ANKS1B: variants seen among roughly 807,000 people sequenced by gnomAD.
ANKS1B encodes the protein ankyrin repeat and sterile alpha motif domain containing 1B.
ANKS1B carries 36 observed loss-of-function variants against 148.3 expected under a neutral mutation model. That is an observed-to-expected ratio of 0.24 (90% CI 0.19 to 0.32). The LOEUF is 0.32. Ranked by LOEUF, ANKS1B falls within the 10% of genes least tolerant of loss-of-function variation. The pLI is 1.00. For synonymous variants in ANKS1B, 542 were observed against 560.8 expected (o/e 0.97, Z 0.47); for missense variants, 1,157 against 1,542.6 (o/e 0.75, Z 4.19).
intron 9 of ANKS1B, among the ~76,000 whole-genome samples, chr12:99,526,062 G>T (rs2096923543): frequency 6.6e-6 from 1 of 152,060 alleles, no homozygotes; most frequent in Non-Finnish European, 1.5e-5. Context: ...ATGAAAAGAT[G>T]CTCAACTTCA....
At chr12:99,633,642 T>C (rs1187696864) in intron 9 of ANKS1B, among the ~76,000 whole-genome samples, 1 of 152,190 alleles carries the variant, frequency 6.6e-6, no homozygotes, top group East Asian at 1.9e-4. Context: ...AAATGGGATC[T>C]AATTAAACTA....
intron 9 of ANKS1B, among the ~76,000 whole-genome samples, chr12:99,624,264 T>C (rs991859861): frequency 6.6e-6 from 1 of 152,008 alleles, no homozygotes; most frequent in African/African-American, 2.4e-5. Flanking sequence ...CAAAATGGAT[T>C]AAAGACTTAA....
intron 12 of ANKS1B, among the ~76,000 whole-genome samples, chr12:99,293,269 CAT>C (rs2154011684): frequency 6.6e-6 from 1 of 151,620 alleles, no homozygotes; most frequent in East Asian, 1.9e-4. Flanking sequence ...CCAAACACCA[CAT>C]GTTCTCACTC....
intron 1 of ANKS1B, among the ~76,000 whole-genome samples, chr12:99,856,683 C>T (rs1281437116): frequency 6.6e-6 from 1 of 152,070 alleles, no homozygotes; most frequent in Non-Finnish European, 1.5e-5. Context: ...AGATAATCCA[C>T]CACAATCAAG....
rs1325135812 is a variant in ANKS1B at position 99,730,196 on chromosome 12, GAGT to G, written c.1128+42723_1128+42725del. Among the ~76,000 whole-genome samples the G allele has an allele frequency of 2.0e-5, 3 of 152,314 alleles. No homozygotes were observed. In the East Asian group the frequency reaches 5.8e-4, roughly 29 times the overall value. ...CCATCAAATTCGGGTTCCTTTGAAG[GAGT>G]AGTTCCTACATTGTTTGAGATTTGC... On this transcript the variant is annotated intron_variant, in intron 8 of 26. Coordinates refer to ENST00000683438, the MANE Select transcript of ANKS1B (RefSeq NM_001352186.2).
chr12:98,898,753 TATA>T (rs1183021252), intron 17 of ANKS1B, among the ~76,000 whole-genome samples: 4 of 152,224 alleles, frequency 2.6e-5, no homozygotes, highest in African/African-American at 9.6e-5. Context: ...ATCTAAATCT[TATA>T]ATATTCTAGC....
intron 9 of ANKS1B, among the ~76,000 whole-genome samples, chr12:99,509,261 A>G (rs1431826414): frequency 6.6e-6 from 1 of 151,852 alleles, no homozygotes; most frequent in Admixed American, 6.6e-5. Context: ...TTCAAATTCA[A>G]GAAGAGTCAC....
chr12:98,921,778 A>G (rs2099801776), intron 17 of ANKS1B, among the ~76,000 whole-genome samples: 2 of 152,222 alleles, frequency 1.3e-5, no homozygotes, highest in Admixed American at 6.5e-5. Context: ...ATCCATCTAT[A>G]AAGATGGTAA....
In ANKS1B at chr12:99,806,559, C is replaced by T; in HGVS notation, c.514G>A (p.Gly172Arg). 1.9e-6 allele frequency: 3 copies of T among 1,613,874 alleles called. No homozygotes were observed. The highest frequency in any genetic ancestry group is 8.5e-7 in the Non-Finnish European group (1 of 1,179,872). Residue 172 changes from glycine (G) to arginine (R), a missense_variant, in exon 4 of 27, where the codon GGA becomes AGA. Around this residue, in one of 6 missense-constraint regions of ANKS1B, gnomAD observed 164 missense variants for 232.6 expected, o/e 0.71. Coordinates refer to ENST00000683438, the MANE Select transcript of ANKS1B (RefSeq NM_001352186.2). ...ETPLDLAALY[G>R]RLRVVKMIIS... ...ATCATTTTTACCACTCTAAGCCGTC[C>T]GTAGAGTGCCGCCAAGTCCAAAGGT...
At chr12:99,705,290 G>T (rs2055554117) in intron 8 of ANKS1B, among the ~76,000 whole-genome samples, 1 of 152,052 alleles carries the variant, frequency 6.6e-6, no homozygotes, top group South Asian at 2.1e-4. Context: ...TTAGGGTATG[G>T]TAAGATAATG....
chr12:99,112,460 C>T (rs1436990695), intron 15 of ANKS1B, among the ~76,000 whole-genome samples: 2 of 151,074 alleles, frequency 1.3e-5, no homozygotes, highest in African/African-American at 4.9e-5. Flanking sequence ...CTCTTTCTCC[C>T]ACTGATCAAC....
intron 12 of ANKS1B, among the ~76,000 whole-genome samples, chr12:99,381,628 T>C (rs1196240210): frequency 2.6e-5 from 4 of 152,172 alleles, no homozygotes; most frequent in Admixed American, 2.0e-4. Flanking sequence ...GAAAAGGCAG[T>C]TGTGGTGACC....
intron 11 of ANKS1B, among the ~76,000 whole-genome samples, chr12:99,428,289 A>G (rs1391886955): frequency 6.6e-6 from 1 of 151,970 alleles, no homozygotes; most frequent in African/African-American, 2.4e-5. Flanking sequence ...AGCATACACA[A>G]AGTAAGGAGC....
At chr12:99,225,760 C>T (rs984744697) in intron 14 of ANKS1B, among the ~76,000 whole-genome samples, 3 of 152,186 alleles carry the variant, frequency 2.0e-5, no homozygotes, top group Admixed American at 1.3e-4. Flanking sequence ...CTTGGGCCTT[C>T]GGCCACAGAC....
intron 8 of ANKS1B, among the ~76,000 whole-genome samples, chr12:99,766,627 T>C (rs2062671872): frequency 6.6e-6 from 1 of 152,156 alleles, no homozygotes; most frequent in African/African-American, 2.4e-5. Flanking sequence ...CCAACCTTAG[T>C]TGAATCACCT....
chr12:98,776,117 G>T (rs1263434207), intron 24 of ANKS1B, among the ~76,000 whole-genome samples: 1 of 152,212 alleles, frequency 6.6e-6, no homozygotes, highest in Non-Finnish European at 1.5e-5. Context: ...ACTCTGCATT[G>T]TCTACCTGTG....
intron 17 of ANKS1B, among the ~76,000 whole-genome samples, chr12:98,850,459 A>ATT (rs59294440): frequency 0.1 from 7,295 of 70,284 alleles, 2,117 homozygotes; most frequent in African/African-American, 0.3. Context: ...GAAGCATTGC[A>ATT]TTTTTTTTTT....
chr12:99,061,994 G>A (rs1320078331), intron 16 of ANKS1B, among the ~76,000 whole-genome samples: 3 of 152,164 alleles, frequency 2.0e-5, no homozygotes, highest in Non-Finnish European at 4.4e-5. Flanking sequence ...GTGTTACCAG[G>A]TAAAAGAGAA....
intron 25 of ANKS1B, among the ~76,000 whole-genome samples, chr12:98,753,595 T>C (rs1321827151): frequency 6.6e-6 from 1 of 152,034 alleles, no homozygotes; most frequent in Non-Finnish European, 1.5e-5. Context: ...GCCCAGCTAA[T>C]TTTGTATTTT....
Sources: gnomAD v4.1 joint callset for allele counts (sites outside exome capture counted in the v4.1 genomes callset) on GRCh38, gnomAD v4.1.1 for gene constraint, gnomAD v4.1.1 regional missense constraint, MANE v1.5 for transcripts, NCBI Gene and HGNC (gene_info 2026-07-23, HGNC 2026-07-21) for gene names.